The following RGS5 variants were observed in gnomAD, a reference collection of about 807,000 sequenced individuals.
RGS5 encodes regulator of G protein signaling 5.
RGS5 carries 20 observed loss-of-function variants against 18.9 expected under a neutral mutation model. That is an observed-to-expected ratio of 1.06 (90% CI 0.74 to 1.54). RGS5 has a LOEUF of 1.54. Among genes scored for constraint, RGS5 ranks in the 40% most tolerant of loss-of-function variants. The pLI is 0.00. For synonymous variants in RGS5, 57 were observed against 76.2 expected (o/e 0.75, Z 1.31); for missense variants, 201 against 211.8 (o/e 0.95, Z 0.32).
chr1:163,265,021 A>G (rs975944766), intron 2 of RGS5, among the ~76,000 whole-genome samples: 1 of 152,046 alleles, frequency 6.6e-6, no homozygotes, highest in African/African-American at 2.4e-5. Context: ...CATATTACAT[A>G]CTTGTGTATA....
intron 2 of RGS5, among the ~76,000 whole-genome samples, chr1:163,234,843 C>G (rs974577424): frequency 1.3e-5 from 2 of 152,222 alleles, no homozygotes; most frequent in African/African-American, 4.8e-5. Flanking sequence ...GTTCCACTCC[C>G]AAGTCTGTCA....
chr1:163,215,851 G>A (rs951650530), intron 1 of RGS5, among the ~76,000 whole-genome samples: 3 of 151,948 alleles, frequency 2.0e-5, no homozygotes, highest in Non-Finnish European at 4.4e-5. Flanking sequence ...GATCACTAGA[G>A]GCCAGAAGTT....
In RGS5 at chr1:163,287,248, T is replaced by C. The variant is rs533943189; in HGVS notation, c.-281+18985A>G. ...CTTAACACTAGACAGTTTCTCTATG[T>C]AGAATGCTAGGACAAAGAAAACAGC... On this transcript the variant is annotated intron_variant, in intron 2 of 5. Coordinates refer to the RGS5 transcript ENST00000618415. Among the ~76,000 whole-genome samples the C allele has an allele frequency of 6.8e-4, 103 of 152,322 alleles. 1 individual carries two copies. Among genetic ancestry groups the C allele is most frequent in the African/African-American group, 2.3e-3 (94 of 41,582 alleles).
intron 1 of RGS5, among the ~76,000 whole-genome samples, chr1:163,181,847 G>A (rs1042192999): frequency 3.3e-5 from 5 of 152,000 alleles, no homozygotes; most frequent in South Asian, 2.1e-4. Context: ...CACTGCTTGG[G>A]TTTATATTCC....
At chr1:163,292,715 C>G (rs1221192052) in intron 2 of RGS5, among the ~76,000 whole-genome samples, 1 of 152,216 alleles carries the variant, frequency 6.6e-6, no homozygotes, top group Non-Finnish European at 1.5e-5. Context: ...GCCATCCTGA[C>G]TGGTGTGAGA....
chr1:163,246,220 TAA>T (rs34509210), intron 2 of RGS5, among the ~76,000 whole-genome samples: 7 of 127,442 alleles, frequency 5.5e-5, no homozygotes, highest in African/African-American at 2.1e-4. Flanking sequence ...GACTCCATCT[TAA>T]AAAAAAAAAA....
rs147886855 is a variant in RGS5, at chr1:163,310,390, C to T, written c.-377-4061G>A. On this transcript the variant is annotated intron_variant, in intron 1 of 5. Transcript: ENST00000618415. ...TCACGAGGTCAGGAGATCAAGACCACGGTGAAACCCCATCTCTACTAAAAA... is the reference window on the plus strand; with the variant it reads ...TCACGAGGTCAGGAGATCAAGACCATGGTGAAACCCCATCTCTACTAAAAA... Among the ~76,000 whole-genome samples the T allele has an allele frequency of 7.5e-3, 1,137 of 151,734 alleles. 16 individuals are homozygous for T. Among genetic ancestry groups the T allele is most frequent in the African/African-American group, 0.026 (1,063 of 41,328 alleles).
At chr1:163,197,239 C>T (rs1479810155) in intron 1 of RGS5, among the ~76,000 whole-genome samples, 2 of 152,174 alleles carry the variant, frequency 1.3e-5, no homozygotes, top group South Asian at 4.1e-4. Context: ...TGGCTGTGCC[C>T]GCCCATCTCT....
chr1:163,252,638 T>C (rs993260975), intron 2 of RGS5, among the ~76,000 whole-genome samples: 18 of 151,918 alleles, frequency 1.2e-4, no homozygotes, highest in African/African-American at 4.1e-4. Context: ...GAAACTTCTC[T>C]AAGAACAAAA....
At chr1:163,270,744 C>A (rs551091520) in intron 2 of RGS5, among the ~76,000 whole-genome samples, 1 of 152,168 alleles carries the variant, frequency 6.6e-6, no homozygotes, top group East Asian at 1.9e-4. Flanking sequence ...TCTCCTCCAA[C>A]GATAACAGAA....
chr1:163,163,046 G>GGGC (rs1657877592), intron 2 of RGS5, among the ~76,000 whole-genome samples: 1 of 151,020 alleles, frequency 6.6e-6, no homozygotes, highest in African/African-American at 2.4e-5. Context: ...TTTCGGGGGG[G>GGGC]GGGGTGGTTA....
At chr1:163,318,166 G>A (rs1650076980) in intron 1 of RGS5, among the ~76,000 whole-genome samples, 1 of 152,126 alleles carries the variant, frequency 6.6e-6, no homozygotes, top group South Asian at 2.1e-4. Context: ...AAAGGTCTCA[G>A]GTGTAAAGCA....
At position 163,231,754 on chromosome 1, in the gene RGS5, T is replaced by TAAA. The variant is rs59080668; in HGVS notation, c.-280-63389_-280-63387dup. Among the ~76,000 whole-genome samples the TAAA allele has an allele frequency of 2.0e-3, 272 of 133,336 alleles. 8 individuals carry two copies. The highest frequency in any genetic ancestry group is 4.0e-3 in the Middle Eastern group (1 of 252). The allele number at this position is 133,336 out of a possible 152,430, so 87.5% of individuals were successfully genotyped here. On this transcript the variant is annotated intron_variant, in intron 2 of 5. Coordinates refer to the RGS5 transcript ENST00000618415. ...CCTGGGAAGAAACAAGTGGTAAAAT[T>TAAA]AAAAAAAAAAAAAAAAGGCTAAATA... is the stretch of plus-strand genomic sequence containing the variant.
chr1:163,162,420 T>C (rs184152652), intron 2 of RGS5, among the ~76,000 whole-genome samples: 372 of 152,254 alleles, frequency 2.4e-3, no homozygotes, highest in African/African-American at 8.4e-3. Flanking sequence ...GGCATTGGGG[T>C]TCCACATCCA....
At chr1:163,217,413 G>T in intron 1 of RGS5, 3 of 1,100,224 alleles carry the variant, frequency 2.7e-6, no homozygotes, top group South Asian at 2.4e-5. Context: ...AAGAAATTTG[G>T]GCCCTAAAAT....
chr1:163,287,286 C>T (rs1042688162), intron 2 of RGS5, among the ~76,000 whole-genome samples: 5 of 152,134 alleles, frequency 3.3e-5, no homozygotes, highest in Non-Finnish European at 7.4e-5. Context: ...AACAGTTCCC[C>T]CTTTGAGCCT....
exon 2 of RGS5, chr1:163,306,322 CTCTGTT>C (rs151146520): frequency 7.4e-4 from 113 of 152,258 alleles, no homozygotes; most frequent in African/African-American, 2.7e-3. Context: ...TTTTTAAGCG[CTCTGTT>C]TCTAAGAAAA....
chr1:163,279,256 T>C (rs1370101563), intron 2 of RGS5, among the ~76,000 whole-genome samples: 2 of 152,024 alleles, frequency 1.3e-5, no homozygotes, highest in African/African-American at 2.4e-5. Context: ...TTATACAGGA[T>C]AGACCATGTT....
intron 1 of RGS5, among the ~76,000 whole-genome samples, chr1:163,213,385 C>T (rs1317997870): frequency 5.3e-5 from 8 of 152,166 alleles, no homozygotes; most frequent in Non-Finnish European, 1.2e-4. Context: ...ACAGAATTCG[C>T]AAGAAGTCAC....
Sources: allele counts gnomAD v4.1 joint callset (sites outside exome capture counted in the v4.1 genomes callset), GRCh38; gene constraint gnomAD v4.1.1; transcripts MANE v1.5; gene names NCBI Gene and HGNC (gene_info 2026-07-23, HGNC 2026-07-21).